UNC80: variants seen among roughly 807,000 people sequenced by gnomAD.
The protein encoded by UNC80 is unc-80 subunit of NALCN channel complex.
In UNC80, 164 loss-of-function variants were observed where a neutral mutation model predicts 384.6. The observed-to-expected ratio is 0.43, with a 90% CI of 0.38 to 0.49. The LOEUF (loss-of-function observed/expected upper bound fraction) is 0.49. UNC80 is among the 20% of genes least tolerant of loss of function. The pLI is 0.00. For missense variants in UNC80, 3,330 were observed against 4,143.0 expected (o/e 0.80, Z 5.39); for synonymous variants, 1,486 against 1,527.8 (o/e 0.97, Z 0.64).
At chr2:209,940,498 A>G (rs1472037047) in intron 43 of UNC80, among the ~76,000 whole-genome samples, 1 of 152,156 alleles carries the variant, frequency 6.6e-6, no homozygotes, top group African/African-American at 2.4e-5. Flanking sequence ...TAGCATCTCT[A>G]TGTTTTATCG....
rs1273567258 is a variant in UNC80 at position 209,834,999 on chromosome 2, G to T, written c.3030G>T (p.Gln1010His). Reference sequence around the variant, plus strand: ...GCTTCATGTCTGGTCGCCCCTCACAGACTCCAGAGCAGTAAGTAGCGTTGG... The same window carrying T: ...GCTTCATGTCTGGTCGCCCCTCACATACTCCAGAGCAGTAAGTAGCGTTGG... ...CRSFMSGRPSQTPEHDEQMQG... is the reference protein window; with the variant it reads ...CRSFMSGRPSHTPEHDEQMQG... Residue 1010 changes from glutamine (Q) to histidine (H), a missense_variant, in exon 18 of 65, where the codon CAG becomes CAT. Physicochemically the swap from Gln to His is conservative, Grantham distance 24 (BLOSUM62 0). This residue lies in a region of UNC80 where 801 missense variants were observed against 950.8 expected (regional missense o/e 0.84). Transcript: ENST00000673920. 1.3e-6 allele frequency: 2 copies of T among 1,550,586 alleles called. No homozygotes were observed. The highest frequency in any genetic ancestry group is 8.7e-7 in the Non-Finnish European group (1 of 1,146,256).
chr2:209,922,151 A>T, intron 34 of UNC80, 101 bp from the exon 35 acceptor site: 1 of 1,310,408 alleles, frequency 7.6e-7, no homozygotes, highest in Non-Finnish European at 1.0e-6. Flanking sequence ...TTTAAGCCTT[A>T]TGGTCTGAGA....
chr2:209,976,318 TCTC>T lies in UNC80; in HGVS notation c.8772+21_8772+23del. 1.3e-6 allele frequency: 2 copies of T among 1,551,648 alleles called. No individual in the cohort carries two copies. Among genetic ancestry groups the T allele is most frequent in the Non-Finnish European group, 1.7e-6 (2 of 1,146,974 alleles). On this transcript the variant is annotated intron_variant, in intron 57 of 64. Transcript: ENST00000673920. The surrounding 1 kb of genome is among the most constrained non-coding windows in gnomAD (Gnocchi z 4.3). ...TCCAGTGCAAGGTGTGGTGTGTGCT[TCTC>T]CTCCTGAAAGTGGCAAGCTCAAATG...
chr2:209,808,754 T>C, intron 7 of UNC80: 2 of 41,700 alleles, frequency 4.8e-5, no homozygotes, highest in South Asian at 1.3e-4. Context: ...AGTGAGTGGG[T>C]CGCCTGCGCT....
intron 48 of UNC80, among the ~76,000 whole-genome samples, chr2:209,955,914 T>A (rs946232600): frequency 6.6e-6 from 1 of 151,400 alleles, no homozygotes; most frequent in African/African-American, 2.4e-5. Context: ...CCGATAATTT[T>A]TGTATTTTCA....
At chr2:209,851,545 G>A (rs749423234) in intron 22 of UNC80, among the ~76,000 whole-genome samples, 2 of 151,998 alleles carry the variant, frequency 1.3e-5, no homozygotes, top group Non-Finnish European at 2.9e-5. Flanking sequence ...GTCTTTTGAG[G>A]GATTCCTATG....
chr2:209,852,250 T>G (rs914849053), intron 22 of UNC80, among the ~76,000 whole-genome samples: 1 of 151,976 alleles, frequency 6.6e-6, no homozygotes, highest in African/African-American at 2.4e-5. Flanking sequence ...GGTCAAGCTG[T>G]GTGTAGTGTT....
At chr2:209,964,527 G>A (rs564360540) in intron 51 of UNC80, among the ~76,000 whole-genome samples, 7 of 152,208 alleles carry the variant, frequency 4.6e-5, no homozygotes, top group East Asian at 1.9e-4. Context: ...GGTTGTTCAC[G>A]CCTGTAATCC....
intron 36 of UNC80, among the ~76,000 whole-genome samples, chr2:209,927,235 AC>A (rs947316492): frequency 3.3e-5 from 5 of 152,216 alleles, no homozygotes; most frequent in African/African-American, 1.2e-4. Flanking sequence ...ATTGTTCGTG[AC>A]CAGAGAACAG....
At chr2:209,982,136 G>C (rs764756852) in intron 59 of UNC80, 43 bp from the exon 60 acceptor site, 1 of 1,536,144 alleles carries the variant, frequency 6.5e-7, no homozygotes, top group Non-Finnish European at 8.8e-7. Context: ...TTTCTGATCA[G>C]TGTCATAGTT....
Position 209,945,882 on chromosome 2 carries a change from A to C in UNC80, c.7225A>C (p.Ile2409Leu), listed in dbSNP as rs1225906868. 1 of 1,552,038 alleles carries C rather than the reference A, an allele frequency of 6.4e-7. No homozygotes were observed. The highest frequency in any genetic ancestry group is 8.7e-7 in the Non-Finnish European group (1 of 1,147,006). Residue 2409 changes from isoleucine to leucine, a missense_variant, in exon 47 of 65, where the codon ATC becomes CTC. Ile to Leu is a conservative substitution (Grantham distance 5). Around this residue, in one of 8 missense-constraint regions of UNC80, gnomAD observed 1,049 missense variants for 1,488.6 expected, o/e 0.70. Transcript: ENST00000673920. The stretch of plus-strand genomic sequence containing the variant: ...TGGAAACGAAGATCTGACATTTTCT[A>C]TCAGTGAAGCCATTAAGCTCTGTGT... ...CYGNEDLTFS[I>L]SEAIKLCVTV...
rs2093498761 is a variant in UNC80 at position 209,997,382 on chromosome 2, A to G, written c.*1787A>G. 1 of 152,216 alleles carries G rather than the reference A, an allele frequency of 6.6e-6. No individual in the cohort carries two copies. Among genetic ancestry groups the G allele is most frequent in the Admixed American group, 6.5e-5 (1 of 15,286 alleles). The allele number at this position is 152,216 out of a possible 1,614,324, so 9.4% of individuals were successfully genotyped here. The stretch of plus-strand genomic sequence containing the variant: ...AGCTGATATATTTCACCTGTTAAAA[A>G]TTATGCTGCTAAATTAGCATTAGAG... On this transcript the variant is annotated 3_prime_UTR_variant, in exon 65 of 65. Coordinates refer to ENST00000673920, the MANE Select transcript of UNC80 (RefSeq NM_001371986.1).
intron 59 of UNC80, among the ~76,000 whole-genome samples, chr2:209,980,892 G>A (rs575509382): frequency 2.3e-3 from 354 of 152,302 alleles, no homozygotes; most frequent in African/African-American, 8.2e-3. Flanking sequence ...AAAGGGCTCT[G>A]TAGAAATAGC....
Position 209,999,127 on chromosome 2 carries a change from A to C in UNC80, c.*3532A>C, listed in dbSNP as rs952626584. The C allele has an allele frequency of 2.0e-5, 3 of 152,228 alleles. No homozygotes were observed. Among genetic ancestry groups the C allele is most frequent in the African/African-American group, 7.2e-5 (3 of 41,450 alleles). The allele number at this position is 152,228 out of a possible 1,614,324, so 9.4% of individuals were successfully genotyped here. A position where few individuals can be genotyped will look rare whatever the true frequency, so the allele number is the denominator to read the frequency against. ...AAACAAAAAATTGACTACACAGCCG[A>C]CTTCCCTCAGATAACTATGAAGTCT... On this transcript the variant is annotated 3_prime_UTR_variant, in exon 65 of 65. Coordinates refer to ENST00000673920, the MANE Select transcript of UNC80 (RefSeq NM_001371986.1).
At chr2:209,992,906 T>G (rs2093418482) in intron 62 of UNC80, among the ~76,000 whole-genome samples, 1 of 152,246 alleles carries the variant, frequency 6.6e-6, no homozygotes, top group African/African-American at 2.4e-5. Flanking sequence ...CCTTAGGAGC[T>G]TCCCATTATT....
chr2:209,792,408 C>T (rs1169710433), intron 6 of UNC80, among the ~76,000 whole-genome samples: 4 of 152,214 alleles, frequency 2.6e-5, no homozygotes, highest in South Asian at 2.1e-4. Flanking sequence ...AGTGCAGTGG[C>T]GCGATCTTGG....
chr2:209,931,236 A>C (rs554055736), intron 38 of UNC80, among the ~76,000 whole-genome samples, 182 bp downstream of exon 38: 203 of 152,224 alleles, frequency 1.3e-3, no homozygotes, highest in African/African-American at 4.6e-3. Context: ...GTCAATATAA[A>C]TGTCAGTTCC....
At chr2:209,901,191 T>C (rs1420485346) in intron 28 of UNC80, among the ~76,000 whole-genome samples, 1 of 152,188 alleles carries the variant, frequency 6.6e-6, no homozygotes, top group Admixed American at 6.5e-5. Context: ...CTTTCGTAGC[T>C]AGAGAGAAGT....
intron 13 of UNC80, among the ~76,000 whole-genome samples, chr2:209,822,260 C>A (rs756335635): frequency 6.6e-6 from 1 of 152,162 alleles, no homozygotes; most frequent in Non-Finnish European, 1.5e-5. Flanking sequence ...CACCTTAGCA[C>A]CTTATCTATC....
Sources: gnomAD v4.1 joint callset for allele counts (sites outside exome capture counted in the v4.1 genomes callset) on GRCh38, gnomAD v4.1.1 for gene constraint, gnomAD v4.1.1 regional missense constraint, Gnocchi (gnomAD v3.1) non-coding constraint, MANE v1.5 for transcripts, NCBI Gene and HGNC (gene_info 2026-07-23, HGNC 2026-07-21) for gene names.